The following SNRNP200 variants were observed in gnomAD, a reference collection of about 807,000 sequenced individuals.
SNRNP200 encodes the protein small nuclear ribonucleoprotein U5 subunit 200.
In SNRNP200, 66 loss-of-function variants were observed where a neutral mutation model predicts 255.2. The observed-to-expected ratio is 0.26, with a 90% CI of 0.21 to 0.32. The LOEUF is 0.32. SNRNP200 is among the 10% of genes least tolerant of loss of function. The probability of loss-of-function intolerance (pLI) is 1.00; values close to 1 mark genes in which losing one functional copy is unlikely to be tolerated. For synonymous variants in SNRNP200, 939 were observed against 1,027.8 expected, an observed-to-expected ratio of 0.91 and a Z score of 1.65; for missense variants, 1,585 against 2,749.8, an observed-to-expected ratio of 0.58 and a Z score of 9.47.
At position 96,277,839 on chromosome 2, in the gene SNRNP200, A is replaced by G; in HGVS notation, c.5722T>C (p.Leu1908=). ...HLSRMQLSAE[L]QSDTEEILSK... is the part of the protein sequence containing the mutation. ...AGGATTTCCTCCGTATCTGACTGCA[A>G]CTCAGCACTCAGCTGCATGCGAGAC... The change falls in exon 40 of 45, where the codon TTG becomes CTG. Residue 1908 remains leucine (L), a synonymous_variant. Transcript: ENST00000323853. The surrounding 1 kb of genome is among the most constrained non-coding windows in gnomAD (Gnocchi z 4.4). 1 of 1,614,144 alleles carries G rather than the reference A, an allele frequency of 6.2e-7. No homozygotes were observed.
In SNRNP200 at chr2:96,287,819, A is replaced by AC; in HGVS notation, c.3365+43dup. 6.5e-7 allele frequency: 1 copy of AC among 1,544,134 alleles called. No individual in the cohort carries two copies. The highest frequency in any genetic ancestry group is 1.1e-5 in the South Asian group (1 of 89,674). On this transcript the variant is annotated intron_variant, in intron 25 of 44. Coordinates refer to ENST00000323853, the MANE Select transcript of SNRNP200 (RefSeq NM_014014.5). This position sits in a 1 kb window ranked among gnomAD's most constrained non-coding sequence, Gnocchi z 5.7. ...TTCCCATCAGACCCTTGGGTTGGGG[A>AC]CCCCCACTCATGGTGACCAGCATCC...
Position 96,278,182 on chromosome 2 carries a change from AC to A in SNRNP200, c.5610+54del. On this transcript the variant is annotated intron_variant, in intron 39 of 44. Transcript: ENST00000323853. This position sits in a 1 kb window ranked among gnomAD's most constrained non-coding sequence, Gnocchi z 6.9. Reference sequence around the variant, plus strand: ...GGCAGGGATGCCATGTGCTCTGGGCACACAGGCCGAGTTTGTTGTTCCCAGG... The same window carrying A: ...GGCAGGGATGCCATGTGCTCTGGGCAACAGGCCGAGTTTGTTGTTCCCAGG... 6.2e-7 allele frequency: 1 copy of A among 1,613,468 alleles called. No homozygotes were observed. Among genetic ancestry groups the A allele is most frequent in the Non-Finnish European group, 8.5e-7 (1 of 1,179,736 alleles).
Position 96,293,010 on chromosome 2 carries a change from C to T in SNRNP200, c.2122G>A (p.Val708Ile), listed in dbSNP as rs191245006. The change falls in exon 16 of 45, where the codon GTC becomes ATC. Residue 708 changes from valine to isoleucine, a missense_variant. Coordinates refer to ENST00000323853, the MANE Select transcript of SNRNP200 (RefSeq NM_014014.5). ...IKRFQIMNEI[V>I]YEKIMEHAGK... ...GCATGTTCCATGATTTTTTCATAGA[C>T]GATTTCATTCATGATCTGGAAACGC... is the stretch of plus-strand genomic sequence containing the variant. 317 of 1,614,062 alleles carry T rather than the reference C, an allele frequency of 2.0e-4. No individual in the cohort carries two copies. Among genetic ancestry groups the T allele is most frequent in the Admixed American group, 2.5e-4 (15 of 60,018 alleles).
chr2:96,283,794 T>G lies in SNRNP200; in HGVS notation c.4584+19A>C. 6.2e-7 allele frequency: 1 copy of G among 1,613,576 alleles called. No homozygotes were observed. The highest frequency in any genetic ancestry group is 8.5e-7 in the Non-Finnish European group (1 of 1,179,726). On this transcript the variant is annotated intron_variant, in intron 32 of 44. Coordinates refer to ENST00000323853, the MANE Select transcript of SNRNP200 (RefSeq NM_014014.5). The surrounding 1 kb of genome is among the most constrained non-coding windows in gnomAD (Gnocchi z 4.7). The stretch of plus-strand genomic sequence containing the variant: ...ATCTATGTGACACCCCACAGACGGA[T>G]GAGGAGAGTGGGTCCTACCTGGATG...
At chr2:96,299,061 T>C in intron 6 of SNRNP200, 94 bp from the exon 7 acceptor site, 2 of 1,507,390 alleles carry the variant, frequency 1.3e-6, no homozygotes, top group East Asian at 2.3e-5. Context: ...TGACAATCCA[T>C]AGCCCACCTT....
At chr2:96,301,159 G>A (rs953161907) in intron 4 of SNRNP200, 106 bp from the exon 5 acceptor site, 2 of 952,666 alleles carry the variant, frequency 2.1e-6, no homozygotes, top group Non-Finnish European at 3.4e-6. Flanking sequence ...AAAGATCTAA[G>A]TGCTAAGGAC....
At chr2:96,303,478 G>A in intron 2 of SNRNP200, 148 bp from the exon 3 acceptor site, 1 of 988,344 alleles carries the variant, frequency 1.0e-6, no homozygotes. Context: ...GATTCCGTTT[G>A]GCCTTAATCA....
chr2:96,297,091 T>A (rs1298558289), intron 11 of SNRNP200, 21 bp from the exon 12 acceptor site: 3 of 1,614,164 alleles, frequency 1.9e-6, no homozygotes, highest in Non-Finnish European at 2.5e-6. Flanking sequence ...AGAAGTGCCA[T>A]CAATATCATG....
Position 96,291,813 on chromosome 2 carries a change from G to C in SNRNP200, c.2248C>G (p.Leu750Val). 6.2e-7 allele frequency: 1 copy of C among 1,614,184 alleles called. No homozygotes were observed. The highest frequency in any genetic ancestry group is 2.2e-5 in the East Asian group (1 of 44,884). Residue 750 changes from leucine (L) to valine (V), a missense_variant, in exon 17 of 45, where the codon CTG becomes GTG. This residue lies in a region of SNRNP200 where 140 missense variants were observed against 274.9 expected (regional missense o/e 0.51). Coordinates refer to ENST00000323853, the MANE Select transcript of SNRNP200 (RefSeq NM_014014.5). This position sits in a 1 kb window ranked among gnomAD's most constrained non-coding sequence, Gnocchi z 4.2. ...GAGGCTGAGCCCTCCCTCAGAAACAGACCCAGAGTGTCCTTTTCTAGGCAC... is the reference window on the plus strand; with the variant it reads ...GAGGCTGAGCCCTCCCTCAGAAACACACCCAGAGTGTCCTTTTCTAGGCAC... The part of the protein sequence containing the change: ...DMCLEKDTLG[L>V]FLREGSASTE...
intron 14 of SNRNP200, among the ~76,000 whole-genome samples, chr2:96,294,668 A>C (rs2063905855): frequency 6.6e-6 from 1 of 152,188 alleles, no homozygotes; most frequent in African/African-American, 2.4e-5. Flanking sequence ...CAGACAACTT[A>C]AACTATACTC....
rs774208149 is a variant in SNRNP200 at position 96,283,698 on chromosome 2, G to A, written c.4600C>T (p.His1534Tyr). The change falls in exon 33 of 45, where the codon CAT becomes TAT. Residue 1534 changes from histidine to tyrosine, a missense_variant. By Grantham distance (83) the His-to-Tyr change is moderately conservative. Transcript: ENST00000323853. The surrounding 1 kb of genome is among the most constrained non-coding windows in gnomAD (Gnocchi z 4.7). ...ATGGAGAGCAGGCGGGTTTGTGTAT[G>A]GCTGATGTTGAAGCCCTGGCGACCG... The part of the protein sequence containing the change: ...ELHIQGFNIS[H>Y]TQTRLLSMAK... The A allele has an allele frequency of 1.2e-6, 2 of 1,614,068 alleles. No individual in the cohort carries two copies. Among genetic ancestry groups the A allele is most frequent in the Admixed American group, 1.7e-5 (1 of 60,016 alleles).
At chr2:96,305,259 A>T in intron 1 of SNRNP200, 134 bp downstream of exon 1, 1 of 1,190,666 alleles carries the variant, frequency 8.4e-7, no homozygotes, top group Non-Finnish European at 1.3e-6. Flanking sequence ...TATAACCCCC[A>T]CCTTCACCCC....
Position 96,298,324 on chromosome 2 carries a change from AGGAACTTG to A in SNRNP200, c.1071_1078del (p.Lys358LeufsTer5). ...CTTCTCGGTTTCATGAAGCTGGTAGAGGAACTTGGATAGCTCTGGGTCAGCTTCCATCT... is the reference window on the plus strand; with the variant it reads ...CTTCTCGGTTTCATGAAGCTGGTAGAGATAGCTCTGGGTCAGCTTCCATCT... On this transcript the variant is annotated frameshift_variant, in exon 9 of 45. Coordinates refer to ENST00000323853, the MANE Select transcript of SNRNP200 (RefSeq NM_014014.5). LOFTEE classifies it high-confidence loss of function. The A allele has an allele frequency of 6.2e-7, 1 of 1,614,228 alleles. No individual in the cohort carries two copies. The highest frequency in any genetic ancestry group is 8.5e-7 in the Non-Finnish European group (1 of 1,180,040).
chr2:96,295,439 C>A (rs929213465), intron 14 of SNRNP200, 49 bp downstream of exon 14: 2 of 1,608,522 alleles, frequency 1.2e-6, no homozygotes, highest in South Asian at 1.1e-5. Context: ...CCCAGCAAAC[C>A]CGCCCTGACA....
intron 12 of SNRNP200, 53 bp from the exon 13 acceptor site, chr2:96,296,744 C>A: frequency 6.2e-7 from 1 of 1,602,056 alleles, no homozygotes; most frequent in Non-Finnish European, 8.6e-7. Context: ...ATTCTCACTG[C>A]CCTAACTTCC....
chr2:96,289,517 T>G, intron 21 of SNRNP200, 138 bp from the exon 22 acceptor site: 1 of 937,272 alleles, frequency 1.1e-6, no homozygotes, highest in East Asian at 2.6e-5. Flanking sequence ...ATTATTGTCC[T>G]AATAGGACAA....
In SNRNP200 at chr2:96,278,423, C is replaced by T; in HGVS notation, c.5489-65G>A. On this transcript the variant is annotated intron_variant, in intron 38 of 44. Coordinates refer to ENST00000323853, the MANE Select transcript of SNRNP200 (RefSeq NM_014014.5). The surrounding 1 kb of genome is among the most constrained non-coding windows in gnomAD (Gnocchi z 6.9). ...CAGAGAAGGAGCAGAACTGCCCGGGCTCCCCTGCTGTCCCCTGCAGTGTCA... is the reference window on the plus strand; with the variant it reads ...CAGAGAAGGAGCAGAACTGCCCGGGTTCCCCTGCTGTCCCCTGCAGTGTCA... 1 of 1,612,722 alleles carries T rather than the reference C, an allele frequency of 6.2e-7. No homozygotes were observed. The highest frequency in any genetic ancestry group is 8.5e-7 in the Non-Finnish European group (1 of 1,179,824).
chr2:96,289,700 G>A, intron 21 of SNRNP200, 99 bp downstream of exon 21: 1 of 1,044,912 alleles, frequency 9.6e-7, no homozygotes, highest in Non-Finnish European at 1.5e-6. Context: ...CAGGTGATTA[G>A]ATAGGCAGTA....
chr2:96,278,642 T>A lies in SNRNP200; in HGVS notation c.5393A>T (p.Gln1798Leu), dbSNP rs562004595. Residue 1798 changes from glutamine (Q) to leucine (L), a missense_variant, in exon 38 of 45, where the codon CAG becomes CTG. Gln to Leu is a moderately radical substitution (Grantham distance 113, BLOSUM62 -2). Transcript: ENST00000323853. The surrounding 1 kb of genome is among the most constrained non-coding windows in gnomAD (Gnocchi z 6.9). The stretch of plus-strand genomic sequence containing the variant: ...GTCCTCGATGCTGATGCACTTGGAC[T>A]GCTCCAGGTCACTCAGGGTCTGCTC... ...LVEQTLSDLE[Q>L]SKCISIEDEM... The A allele has an allele frequency of 2.5e-6, 4 of 1,614,252 alleles. No homozygotes were observed. Among genetic ancestry groups the A allele is most frequent in the Admixed American group, 1.7e-5 (1 of 60,032 alleles).
Sources: allele counts gnomAD v4.1 joint callset (sites outside exome capture counted in the v4.1 genomes callset), GRCh38; gene constraint gnomAD v4.1.1; regional missense constraint gnomAD v4.1.1; non-coding constraint Gnocchi (gnomAD v3.1); transcripts MANE v1.5; gene names NCBI Gene and HGNC (gene_info 2026-07-23, HGNC 2026-07-21).